The following AJAP1 variants were observed in gnomAD, a reference collection of about 807,000 sequenced individuals.
AJAP1 encodes adherens junction-associated protein 1.
AJAP1 carries 5 observed loss-of-function variants against 35.0 expected under a neutral mutation model. The observed-to-expected ratio is 0.14, with a 90% confidence interval of 0.07 to 0.30. The LOEUF is 0.30. AJAP1 is among the 10% of genes least tolerant of loss of function. AJAP1 has a pLI of 1.00. For missense variants in AJAP1, 586 were observed against 571.0 expected (o/e 1.03, Z -0.27); for synonymous variants, 284 against 249.3 (o/e 1.14, Z -1.31).
intron 3 of AJAP1, among the ~76,000 whole-genome samples, chr1:4,771,270 C>T (rs990970896): frequency 6.6e-6 from 1 of 152,216 alleles, no homozygotes; most frequent in African/African-American, 2.4e-5. Flanking sequence ...GTTTGGCATT[C>T]ACCTTCTGAC....
rs1642159127 is a variant in AJAP1, at chr1:4,786,177, C to T, written c.*3692C>T. 6.6e-6 allele frequency: 1 copy of T among 152,108 alleles called. No individual in the cohort carries two copies. Among genetic ancestry groups the T allele is most frequent in the Admixed American group, 6.5e-5 (1 of 15,274 alleles). 9.4% of individuals were successfully genotyped at this position (152,108 alleles called of 1,614,324 possible). ...CGCAACGTGGAAGCGTGGTGACACC[C>T]TGGGGTGTGTGGAGGTGGCTGCTAG... is the stretch of plus-strand genomic sequence containing the variant. On this transcript the variant is annotated 3_prime_UTR_variant, in exon 6 of 6. Coordinates refer to ENST00000378191, the MANE Select transcript of AJAP1 (RefSeq NM_018836.4).
At position 4,792,295 on chromosome 1, in the gene AJAP1, A is replaced by G. The variant is rs1397101023; in HGVS notation, c.*9810A>G. On this transcript the variant is annotated 3_prime_UTR_variant, in exon 6 of 6. Transcript: ENST00000378191. The stretch of plus-strand genomic sequence containing the variant: ...TTCTTTTCTTTAAATGCATATCATA[A>G]TCATGTTAATAAACAAAAATGACAC... The G allele has an allele frequency of 7.2e-6, 1 of 139,104 alleles. No individual in the cohort carries two copies. Among genetic ancestry groups the G allele is most frequent in the Non-Finnish European group, 1.5e-5 (1 of 66,160 alleles). The allele number at this position is 139,104 out of a possible 1,614,324, so 8.6% of individuals were successfully genotyped here. A position where few individuals can be genotyped will look rare whatever the true frequency, so the allele number is the denominator to read the frequency against.
chr1:4,714,826 G>A (rs181789735), intron 2 of AJAP1, among the ~76,000 whole-genome samples: 177 of 152,310 alleles, frequency 1.2e-3, no homozygotes, highest in African/African-American at 3.8e-3. Flanking sequence ...CCCAGCCAAG[G>A]CAAAGGGAAG....
At chr1:4,674,967 G>A (rs559635572) in intron 1 of AJAP1, among the ~76,000 whole-genome samples, 10 of 152,336 alleles carry the variant, frequency 6.6e-5, no homozygotes, top group African/African-American at 2.2e-4. Flanking sequence ...TGGAGGAGTC[G>A]TCTCAGGCAC....
In AJAP1 at chr1:4,676,280, A is replaced by G. The variant is rs78598397; in HGVS notation, c.29+20826A>G. The stretch of plus-strand genomic sequence containing the variant: ...CTTTATTTTTTTTAACCAGTTCCAA[A>G]AAAAGATGATTTGTGTGAAGGGAGT... On this transcript the variant is annotated intron_variant, in intron 1 of 5. Coordinates refer to ENST00000378191, the MANE Select transcript of AJAP1 (RefSeq NM_018836.4). Among the ~76,000 whole-genome samples, 772 of 152,274 alleles carry G rather than the reference A, an allele frequency of 5.1e-3. 4 individuals are homozygous for G. Among genetic ancestry groups the G allele is most frequent in the Admixed American group, 0.01 (160 of 15,290 alleles).
chr1:4,726,134 G>A (rs1458776118), intron 2 of AJAP1, among the ~76,000 whole-genome samples: 1 of 130,060 alleles, frequency 7.7e-6, no homozygotes, highest in African/African-American at 3.6e-5. Context: ...CCCGCATAGA[G>A]TTGGAGAGAG....
rs1258679324 is a variant in AJAP1, at chr1:4,692,684, A to G, written c.30-19216A>G. On this transcript the variant is annotated intron_variant, in intron 1 of 5. Coordinates refer to ENST00000378191, the MANE Select transcript of AJAP1 (RefSeq NM_018836.4). This position sits in a 1 kb window ranked among gnomAD's most constrained non-coding sequence, Gnocchi z 4.4. Reference sequence around the variant, plus strand: ...TCCTACTTGGCATTGGAGACCCATCACTTCCTCCAAGCAGCCTTCCAGGCT... The same window carrying G: ...TCCTACTTGGCATTGGAGACCCATCGCTTCCTCCAAGCAGCCTTCCAGGCT... Among the ~76,000 whole-genome samples, 1 of 152,058 alleles carries G rather than the reference A, an allele frequency of 6.6e-6. No individual in the cohort carries two copies. The highest frequency in any genetic ancestry group is 2.4e-5 in the African/African-American group (1 of 41,382).
chr1:4,750,170 TTGTG>T (rs1641290327), intron 2 of AJAP1, among the ~76,000 whole-genome samples: 2 of 151,948 alleles, frequency 1.3e-5, no homozygotes, highest in South Asian at 4.2e-4. Flanking sequence ...GGCCATGTGT[TTGTG>T]TGTATGTGTG....
intron 1 of AJAP1, among the ~76,000 whole-genome samples, chr1:4,673,433 A>G (rs1429251917): frequency 6.6e-6 from 1 of 152,104 alleles, no homozygotes; most frequent in Non-Finnish European, 1.5e-5. Flanking sequence ...TTCTTCTAAC[A>G]AGAGCTCATG....
At chr1:4,743,177 T>G (rs1425054743) in intron 2 of AJAP1, among the ~76,000 whole-genome samples, 1 of 152,114 alleles carries the variant, frequency 6.6e-6, no homozygotes, top group African/African-American at 2.4e-5. Context: ...GAAATGGACA[T>G]GTGTTCTCTG....
At chr1:4,709,765 G>A (rs4654593) in intron 1 of AJAP1, among the ~76,000 whole-genome samples, 1 of 152,164 alleles carries the variant, frequency 6.6e-6, no homozygotes, top group Non-Finnish European at 1.5e-5. Context: ...CAGAAACACC[G>A]TGCTGAGGAT....
chr1:4,768,709 G>T (rs1242893971), intron 2 of AJAP1, among the ~76,000 whole-genome samples: 2 of 152,192 alleles, frequency 1.3e-5, no homozygotes, highest in Non-Finnish European at 2.9e-5. Context: ...GAGATGAGTA[G>T]GAGGAGGTGC....
In AJAP1 at chr1:4,772,291, G is replaced by T; in HGVS notation, c.929G>T (p.Ser310Ile). Residue 310 changes from serine (S) to isoleucine (I), a missense_variant, in exon 4 of 6, where the codon AGC (serine) becomes ATC (isoleucine). Ser to Ile is a moderately radical substitution (Grantham distance 142). Transcript: ENST00000378191. Reference protein sequence around the residue: ...TLVLKNCCAQSGNTRRNSHQR... With the variant: ...TLVLKNCCAQIGNTRRNSHQR... ...TCTTTCTCTTCCAGCTGTGCCCAAA[G>T]CGGGAACACTCGTCGGAACAGCCAC... 1 of 1,614,118 alleles carries T rather than the reference G, an allele frequency of 6.2e-7. No individual in the cohort carries two copies. The highest frequency in any genetic ancestry group is 8.5e-7 in the Non-Finnish European group (1 of 1,180,022).
intron 1 of AJAP1, among the ~76,000 whole-genome samples, chr1:4,709,589 A>G (rs1640180401): frequency 6.6e-6 from 1 of 152,090 alleles, no homozygotes; most frequent in Non-Finnish European, 1.5e-5. Flanking sequence ...AGAATTAGAG[A>G]TTCTAAACCA....
In AJAP1 at chr1:4,687,692, C is replaced by T. The variant is rs919978638; in HGVS notation, c.30-24208C>T. Reference sequence around the variant, plus strand: ...AAACTGAATCGTAGAGTGAACGTCCCTGTCACTCTGAGAAGAACGAGAGCT... The same window carrying T: ...AAACTGAATCGTAGAGTGAACGTCCTTGTCACTCTGAGAAGAACGAGAGCT... On this transcript the variant is annotated intron_variant, in intron 1 of 5. Transcript: ENST00000378191. Among the ~76,000 whole-genome samples, 3 of 152,324 alleles carry T rather than the reference C, an allele frequency of 2.0e-5. No homozygotes were observed. In the East Asian group the frequency reaches 5.8e-4, roughly 29 times the overall value.
Position 4,782,204 on chromosome 1 carries a change from G to A in AJAP1, c.*60-341G>A, listed in dbSNP as rs1455994342. ...CCCCCTGACATGCACGCCTGGGACCGGATGCCCCGGCACCCCCACCATGAG... is the reference window on the plus strand; with the variant it reads ...CCCCCTGACATGCACGCCTGGGACCAGATGCCCCGGCACCCCCACCATGAG... On this transcript the variant is annotated intron_variant, in intron 5 of 5. Coordinates refer to ENST00000378191, the MANE Select transcript of AJAP1 (RefSeq NM_018836.4). The surrounding 1 kb of genome is among the most constrained non-coding windows in gnomAD (Gnocchi z 5.3). Among the ~76,000 whole-genome samples the A allele has an allele frequency of 3.9e-5, 6 of 152,140 alleles. No individual in the cohort carries two copies. The highest frequency in any genetic ancestry group is 4.8e-5 in the African/African-American group (2 of 41,426).
chr1:4,743,783 C>T (rs189449254), intron 2 of AJAP1, among the ~76,000 whole-genome samples: 15 of 152,272 alleles, frequency 9.9e-5, no homozygotes, highest in African/African-American at 3.1e-4. Context: ...GGGGTCTCGC[C>T]GAGAACAATC....
intron 1 of AJAP1, among the ~76,000 whole-genome samples, chr1:4,694,517 TCTC>T (rs1639814535): frequency 6.6e-6 from 1 of 152,174 alleles, no homozygotes; most frequent in Non-Finnish European, 1.5e-5. Context: ...CCGTCCTTGT[TCTC>T]CTGGAGCATA....
At chr1:4,749,442 G>A (rs969944449) in intron 2 of AJAP1, among the ~76,000 whole-genome samples, 4 of 152,220 alleles carry the variant, frequency 2.6e-5, no homozygotes, top group Non-Finnish European at 5.9e-5. Context: ...AGACGCTATG[G>A]CCCCAGATCT....
Sources: allele counts gnomAD v4.1 joint callset (sites outside exome capture counted in the v4.1 genomes callset), GRCh38; gene constraint gnomAD v4.1.1; non-coding constraint Gnocchi (gnomAD v3.1); transcripts MANE v1.5; gene names NCBI Gene and HGNC (gene_info 2026-07-23, HGNC 2026-07-21).